Variants in PLCH2 observed in about 807,000 individuals in gnomAD.
PLCH2 encodes 1-phosphatidylinositol 4,5-bisphosphate phosphodiesterase eta-2.
Under a neutral mutation model 134.7 loss-of-function variants are expected in PLCH2, and 98 were observed. That is an observed-to-expected ratio of 0.73 (90% CI 0.62 to 0.86). The LOEUF (loss-of-function observed/expected upper bound fraction) is 0.86. Ranked by LOEUF, PLCH2 falls within the 40% of genes least tolerant of loss-of-function variation. The pLI, the probability that PLCH2 is intolerant of heterozygous loss-of-function variation, is 0.00. For missense variants in PLCH2, 1,994 were observed against 1,986.6 expected (o/e 1.00, Z -0.07); for synonymous variants, 974 against 827.5 (o/e 1.18, Z -3.04).
In PLCH2 at chr1:2,476,634, G is replaced by C. The variant is rs2100640887; in HGVS notation, c.46G>C (p.Val16Leu). Residue 16 changes from valine (V) to leucine (L), a missense_variant, in exon 1 of 22, where the codon GTG becomes CTG. Coordinates refer to ENST00000378486, the MANE Select transcript of PLCH2 (RefSeq NM_014638.4). ...PSPDSRTKGT[V>L]AWLAEVLLWV... ...CCCCGACAGCCGGACCAAGGGAACG[G>C]TGGCCTGGCTGGCGGAGGTACTCCT... is the stretch of plus-strand genomic sequence containing the variant. 6.2e-7 allele frequency: 1 copy of C among 1,605,332 alleles called. No individual in the cohort carries two copies. Among genetic ancestry groups the C allele is most frequent in the Non-Finnish European group, 8.5e-7 (1 of 1,177,072 alleles).
At chr1:2,419,137 G>A in the PLCH2 span, among the ~76,000 whole-genome samples, 10 of 152,296 alleles carry the variant, frequency 6.6e-5, no homozygotes, top group East Asian at 3.9e-4. Flanking sequence ...CCTTCCCTGC[G>A]TGGGGCCCGT....
Position 2,505,272 on chromosome 1 carries a change from T to A in PLCH2, c.*59T>A. 1 of 1,373,202 alleles carries A rather than the reference T, an allele frequency of 7.3e-7. No individual in the cohort carries two copies. Among genetic ancestry groups the A allele is most frequent in the South Asian group, 1.3e-5 (1 of 76,970 alleles). The allele number at this position is 1,373,202 out of a possible 1,614,324, so 85.1% of individuals were successfully genotyped here. ...GCCCAGGGCAGGGGTGGGCGTGTTG[T>A]TTGCTCAGGAAACAGGGCAGCCAGG... On this transcript the variant is annotated 3_prime_UTR_variant, in exon 22 of 22. Transcript: ENST00000378486.
chr1:2,429,442 C>T (rs79984876), intron 1 of PLCH2, among the ~76,000 whole-genome samples: 2,140 of 152,236 alleles, frequency 0.014, 50 homozygotes, highest in East Asian at 0.11. Flanking sequence ...CAGAAAGGCT[C>T]TGAAAGGAGC....
chr1:2,486,955 G>A lies in PLCH2; in HGVS notation c.865G>A (p.Glu289Lys). ...ESCQDIIEQF[E>K]PCPENKSKGL... Reference sequence around the variant, plus strand: ...CTGCCAGGACATCATCGAGCAGTTTGAGCCATGCCCAGAAAACAAGAGTAA... The same window carrying A: ...CTGCCAGGACATCATCGAGCAGTTTAAGCCATGCCCAGAAAACAAGAGTAA... The change falls in exon 6 of 22, where the codon GAG becomes AAG. Residue 289 changes from glutamate to lysine, a missense_variant. Around this residue, in one of 2 missense-constraint regions of PLCH2, gnomAD observed 1,094 missense variants for 1,234.3 expected, o/e 0.89. Transcript: ENST00000378486. 6.2e-7 allele frequency: 1 copy of A among 1,608,692 alleles called. No individual in the cohort carries two copies. The highest frequency in any genetic ancestry group is 8.5e-7 in the Non-Finnish European group (1 of 1,177,726).
chr1:2,471,756 TTCCAGC>T (rs1182059279), upstream of PLCH2, among the ~76,000 whole-genome samples: 1 of 151,980 alleles, frequency 6.6e-6, no homozygotes, highest in African/African-American at 2.4e-5. Flanking sequence ...ACACTGGCCG[TTCCAGC>T]TCCCCCAGGG....
chr1:2,497,630 G>A, intron 16 of PLCH2, 21 bp downstream of exon 16: 1 of 1,488,752 alleles, frequency 6.7e-7, no homozygotes. Context: ...CGGACACTCA[G>A]GGCTCGGACG....
At chr1:2,435,345 T>C (rs1639279968) in intron 2 of PLCH2, among the ~76,000 whole-genome samples, 1 of 151,956 alleles carries the variant, frequency 6.6e-6, no homozygotes. Flanking sequence ...TCAGAGAGGA[T>C]AGGGAAGTGA....
At chr1:2,490,693 G>A (rs1027940519) in intron 10 of PLCH2, among the ~76,000 whole-genome samples, 4 of 152,260 alleles carry the variant, frequency 2.6e-5, no homozygotes, top group African/African-American at 9.6e-5. Flanking sequence ...GATGGCAAAG[G>A]CAGCTCCACG....
intron 2 of PLCH2, among the ~76,000 whole-genome samples, chr1:2,454,147 C>T (rs1640373864): frequency 6.6e-6 from 1 of 152,202 alleles, no homozygotes; most frequent in Non-Finnish European, 1.5e-5. Context: ...GGGTGTTTGG[C>T]CTCCCCGGGG....
rs1640040148 is a variant in PLCH2, at chr1:2,448,383, G to A, written c.115+17754G>A. ...CTTCTGGTGGCTCTGGCGTCCCTTG[G>A]GTTGTGGCCGCCTCCTGCTTCTGCC... On this transcript the variant is annotated intron_variant, in intron 2 of 3. Transcript: ENST00000609981. This position sits in a 1 kb window ranked among gnomAD's most constrained non-coding sequence, Gnocchi z 4.0. 1.3e-5 allele frequency among the ~76,000 whole-genome samples: 2 copies of A among 152,092 alleles called. No individual in the cohort carries two copies. Among genetic ancestry groups the A allele is most frequent in the South Asian group, 2.1e-4 (1 of 4,830 alleles).
In PLCH2 at chr1:2,444,681, G is replaced by C. The variant is rs981567746; in HGVS notation, c.115+14052G>C. Among the ~76,000 whole-genome samples, 5 of 152,050 alleles carry C rather than the reference G, an allele frequency of 3.3e-5. No individual in the cohort carries two copies. Among genetic ancestry groups the C allele is most frequent in the Non-Finnish European group, 5.9e-5 (4 of 67,982 alleles). The stretch of plus-strand genomic sequence containing the variant: ...AGGCTTCCCCTCCCCTCCGCTCCCC[G>C]CCTCCCACACTGTCTGGTGACACTG... On this transcript the variant is annotated intron_variant, in intron 2 of 3. Transcript: ENST00000609981. The surrounding 1 kb of genome is among the most constrained non-coding windows in gnomAD (Gnocchi z 4.6).
In PLCH2 at chr1:2,504,302, C is replaced by T. The variant is rs1468435275; in HGVS notation, c.3340C>T (p.Pro1114Ser). ...GGGAGGGTGGCGGCCCCTGGCCGCT[C>T]CCTTTCCAGCTCCTGCCGTGTACTC... ...PLGGWRPLAA[P>S]FPAPAVYSDA... Residue 1114 changes from proline to serine, a missense_variant, in exon 22 of 22, where the codon CCC becomes TCC. Coordinates refer to ENST00000378486, the MANE Select transcript of PLCH2 (RefSeq NM_014638.4). The T allele has an allele frequency of 1.3e-5, 21 of 1,603,348 alleles. No individual in the cohort carries two copies. The highest frequency in any genetic ancestry group is 1.7e-5 in the Non-Finnish European group (20 of 1,176,426).
At chr1:2,434,174 C>T (rs1639211829) in intron 2 of PLCH2, among the ~76,000 whole-genome samples, 1 of 152,246 alleles carries the variant, frequency 6.6e-6, no homozygotes, top group Non-Finnish European at 1.5e-5. Flanking sequence ...TCTTACTGAG[C>T]AACCAAGGGA....
rs769757929 is a variant in PLCH2 at position 2,505,100 on chromosome 1, G to A, written c.4138G>A (p.Glu1380Lys). Residue 1380 changes from glutamate to lysine, a missense_variant, in exon 22 of 22, where the codon GAG becomes AAG. By Grantham distance (56) the Glu-to-Lys change is moderately conservative (BLOSUM62 1). This residue lies in a region of PLCH2 where 900 missense variants were observed against 752.3 expected (regional missense o/e 1.20). Coordinates refer to ENST00000378486, the MANE Select transcript of PLCH2 (RefSeq NM_014638.4). ...GPPEEERGTP[E>K]GACSVGHEGS... Reference sequence around the variant, plus strand: ...CCCAGAAGAGGAGCGGGGCACCCCCGAGGGCGCCTGCTCCGTGGGCCACGA... The same window carrying A: ...CCCAGAAGAGGAGCGGGGCACCCCCAAGGGCGCCTGCTCCGTGGGCCACGA... 3.8e-5 allele frequency: 59 copies of A among 1,541,000 alleles called. No homozygotes were observed. The African/African-American group carries it at 6.7e-4, about 18-fold the overall frequency.
intron 2 of PLCH2, among the ~76,000 whole-genome samples, chr1:2,461,292 C>T (rs894378715): frequency 1.3e-5 from 2 of 152,152 alleles, no homozygotes; most frequent in East Asian, 1.9e-4. Context: ...CTCTGCAGCC[C>T]GGGGCTGGAC....
At chr1:2,493,687 C>T (rs909059078) in intron 11 of PLCH2, 7 of 152,360 alleles carry the variant, frequency 4.6e-5, no homozygotes, top group Admixed American at 3.9e-4. Context: ...GCTCCCCGGC[C>T]GCATCAACAG....
intron 2 of PLCH2, among the ~76,000 whole-genome samples, chr1:2,447,413 C>A (rs544255933): frequency 2.0e-5 from 3 of 152,292 alleles, no homozygotes; most frequent in African/African-American, 7.2e-5. Flanking sequence ...CTTCTCAGGG[C>A]TCCCCCTCCC....
chr1:2,466,630 A>G (rs1476315942), upstream of PLCH2, among the ~76,000 whole-genome samples: 1 of 152,234 alleles, frequency 6.6e-6, no homozygotes, highest in Non-Finnish European at 1.5e-5. Context: ...TGTCCACACA[A>G]GCCTCCCAGG....
At chr1:2,449,102 C>T (rs572741719) in intron 2 of PLCH2, among the ~76,000 whole-genome samples, 1 of 152,196 alleles carries the variant, frequency 6.6e-6, no homozygotes, top group East Asian at 1.9e-4. Flanking sequence ...GCTTCACATC[C>T]CCCTGGACGG....
Sources: allele counts gnomAD v4.1 joint callset (sites outside exome capture counted in the v4.1 genomes callset), GRCh38; gene constraint gnomAD v4.1.1; regional missense constraint gnomAD v4.1.1; non-coding constraint Gnocchi (gnomAD v3.1); transcripts MANE v1.5; gene names NCBI Gene and HGNC (gene_info 2026-07-23, HGNC 2026-07-21).